Variants in PRKAG2 observed in about 807,000 individuals in gnomAD.
PRKAG2 encodes the protein protein kinase AMP-activated non-catalytic subunit gamma 2.
PRKAG2 carries 26 observed loss-of-function variants against 69.6 expected under a neutral mutation model. The ratio of observed to expected loss-of-function variants is 0.37; its 90% CI spans 0.27 to 0.52. The LOEUF is 0.52. Among genes scored for constraint, PRKAG2 ranks in the 20% least tolerant of loss-of-function variants. The pLI is 0.90. For missense variants in PRKAG2, 557 were observed against 740.0 expected (o/e 0.75, Z 2.87); for synonymous variants, 293 against 285.0 (o/e 1.03, Z -0.28).
At chr7:151,792,634 A>G (rs2077316859) in intron 1 of PRKAG2, among the ~76,000 whole-genome samples, 1 of 152,228 alleles carries the variant, frequency 6.6e-6, no homozygotes. Context: ...AAGACAGACA[A>G]GAGTGCAAAT....
chr7:151,653,697 C>G (rs1828918539), intron 4 of PRKAG2, among the ~76,000 whole-genome samples: 1 of 152,064 alleles, frequency 6.6e-6, no homozygotes, highest in Non-Finnish European at 1.5e-5. Context: ...CAAAAATTAG[C>G]CAAGCATGGT....
intron 4 of PRKAG2, among the ~76,000 whole-genome samples, chr7:151,667,814 G>A (rs920446871): frequency 6.6e-6 from 1 of 152,204 alleles, no homozygotes; most frequent in African/African-American, 2.4e-5. Context: ...CAGTCCCCAA[G>A]TAACCTGGTA....
intron 1 of PRKAG2, among the ~76,000 whole-genome samples, chr7:151,791,980 A>G (rs971243332): frequency 2.0e-5 from 3 of 152,242 alleles, no homozygotes; most frequent in Admixed American, 6.5e-5. Flanking sequence ...CATTTGCCCA[A>G]TGCCAGAGAA....
Position 151,567,929 on chromosome 7 carries a change from T to G in PRKAG2, c.1233+787A>C, listed in dbSNP as rs1231454570. Among the ~76,000 whole-genome samples the G allele has an allele frequency of 1.3e-5, 2 of 152,186 alleles. No homozygotes were observed. Among genetic ancestry groups the G allele is most frequent in the Non-Finnish European group, 2.9e-5 (2 of 68,030 alleles). ...TGGGGAGGAAAATGGGAAAGCTAAT[T>G]TGAAGTACATTTTTAATATCTGTTA... On this transcript the variant is annotated intron_variant, in intron 11 of 15. Transcript: ENST00000287878. This position sits in a 1 kb window ranked among gnomAD's most constrained non-coding sequence, Gnocchi z 4.2.
chr7:151,675,349 C>T (rs1832744118), intron 4 of PRKAG2, 71 bp downstream of exon 4: 9 of 1,451,092 alleles, frequency 6.2e-6, no homozygotes, highest in Non-Finnish European at 8.6e-6. Context: ...GACTGCTCAG[C>T]TTGGGGCAAT....
chr7:151,803,544 A>T (rs369953289), intron 1 of PRKAG2, among the ~76,000 whole-genome samples: 2 of 152,238 alleles, frequency 1.3e-5, no homozygotes, highest in African/African-American at 4.8e-5. Context: ...ACAAATTTAC[A>T]CCAACTTTTC....
At chr7:151,701,351 A>T (rs1314156126) in intron 3 of PRKAG2, among the ~76,000 whole-genome samples, 1 of 152,224 alleles carries the variant, frequency 6.6e-6, no homozygotes. Context: ...AAAAGATACA[A>T]TGAAAACCTC....
At chr7:151,817,332 C>T (rs951997920) in intron 1 of PRKAG2, among the ~76,000 whole-genome samples, 2 of 152,208 alleles carry the variant, frequency 1.3e-5, no homozygotes, top group African/African-American at 2.4e-5. Flanking sequence ...GACTCACCCG[C>T]TCTAATTCAT....
At chr7:151,652,180 A>T (rs1011763801) in intron 4 of PRKAG2, among the ~76,000 whole-genome samples, 13 of 151,884 alleles carry the variant, frequency 8.6e-5, no homozygotes, top group African/African-American at 2.7e-4. Context: ...TTAAATATTT[A>T]AAAAACCCCA....
intron 3 of PRKAG2, chr7:151,736,162 T>C: frequency 1.4e-6 from 2 of 1,444,034 alleles, no homozygotes; most frequent in Non-Finnish European, 1.8e-6. Context: ...GGTTCAAGCG[T>C]CCTCACCAGG....
At chr7:151,573,459 C>T (rs900453525) in intron 8 of PRKAG2, among the ~76,000 whole-genome samples, 5 of 148,368 alleles carry the variant, frequency 3.4e-5, no homozygotes, top group Admixed American at 7.0e-5. Context: ...GGACTACAGG[C>T]GTGAGCCACT....
chr7:151,566,084 C>G (rs547187056), intron 11 of PRKAG2, among the ~76,000 whole-genome samples, 199 bp from the exon 12 acceptor site: 300 of 152,326 alleles, frequency 2.0e-3, no homozygotes, highest in Middle Eastern at 3.4e-3. Flanking sequence ...GTCTATGCTT[C>G]TATTTAACTA....
intron 6 of PRKAG2, among the ~76,000 whole-genome samples, chr7:151,581,662 C>T (rs1025288915): frequency 3.3e-5 from 5 of 152,196 alleles, no homozygotes; most frequent in African/African-American, 1.2e-4. Context: ...TTAATGTTTA[C>T]ACCTTGTACA....
chr7:151,756,100 C>A lies in PRKAG2; in HGVS notation c.466+25052G>T, dbSNP rs1307712739. Reference sequence around the variant, plus strand: ...TTCTCAGGCCTCTCCCCCTGGACCACCAGTGATGCCGGCAGCCACAGGTCC... The same window carrying A: ...TTCTCAGGCCTCTCCCCCTGGACCAACAGTGATGCCGGCAGCCACAGGTCC... On this transcript the variant is annotated intron_variant, in intron 3 of 15. Transcript: ENST00000287878. The surrounding 1 kb of genome is among the most constrained non-coding windows in gnomAD (Gnocchi z 4.9). Among the ~76,000 whole-genome samples the A allele has an allele frequency of 6.6e-6, 1 of 152,200 alleles. No individual in the cohort carries two copies. The highest frequency in any genetic ancestry group is 6.5e-5 in the Admixed American group (1 of 15,286).
chr7:151,820,409 T>C (rs2151863324), intron 1 of PRKAG2, among the ~76,000 whole-genome samples: 1 of 136,058 alleles, frequency 7.3e-6, no homozygotes, highest in East Asian at 2.1e-4. Context: ...CCCCTGTGGC[T>C]TCTGCAGGGC....
chr7:151,700,486 C>T (rs1260959686), intron 3 of PRKAG2, among the ~76,000 whole-genome samples: 1 of 152,202 alleles, frequency 6.6e-6, no homozygotes, highest in Admixed American at 6.5e-5. Flanking sequence ...CGAATTTTGG[C>T]AAGAATCAGG....
chr7:151,848,203 A>C (rs988079303), intron 1 of PRKAG2, among the ~76,000 whole-genome samples: 1 of 152,214 alleles, frequency 6.6e-6, no homozygotes, highest in African/African-American at 2.4e-5. Context: ...CTCATGCAAC[A>C]ATATTAAGAA....
At chr7:151,735,291 G>A (rs1799594376) in intron 3 of PRKAG2, among the ~76,000 whole-genome samples, 1 of 152,184 alleles carries the variant, frequency 6.6e-6, no homozygotes, top group African/African-American at 2.4e-5. Flanking sequence ...CAAGTCTGCA[G>A]GTCCTTGAAA....
intron 3 of PRKAG2, among the ~76,000 whole-genome samples, chr7:151,727,812 G>T: frequency 6.6e-6 from 1 of 152,178 alleles, no homozygotes; most frequent in Middle Eastern, 3.2e-3. Context: ...GTTCATTGAT[G>T]AACTCACTAG....
Sources: allele counts gnomAD v4.1 joint callset (sites outside exome capture counted in the v4.1 genomes callset), GRCh38; gene constraint gnomAD v4.1.1; non-coding constraint Gnocchi (gnomAD v3.1); transcripts MANE v1.5; gene names NCBI Gene and HGNC (gene_info 2026-07-23, HGNC 2026-07-21).